The following VAV3 variants were observed in gnomAD, a reference collection of about 807,000 sequenced individuals.
VAV3 encodes the protein guanine nucleotide exchange factor VAV3.
VAV3 carries 94 observed loss-of-function variants against 131.2 expected under a neutral mutation model. That is an observed-to-expected ratio of 0.72 (90% CI 0.61 to 0.85). The LOEUF (loss-of-function observed/expected upper bound fraction) is 0.85, where lower values mean the gene tolerates loss of function less well. Among genes scored for constraint, VAV3 ranks in the 40% least tolerant of loss-of-function variants. The pLI, the probability that VAV3 is intolerant of heterozygous loss-of-function variation, is 0.00. For synonymous variants in VAV3, 349 were observed against 342.0 expected (o/e 1.02, Z -0.22); for missense variants, 939 against 1,002.7 (o/e 0.94, Z 0.86).
At chr1:107,852,919 C>T (rs1365108373) in intron 2 of VAV3, among the ~76,000 whole-genome samples, 3 of 152,042 alleles carry the variant, frequency 2.0e-5, no homozygotes, top group Non-Finnish European at 4.4e-5. Context: ...CATTTCACAC[C>T]ACCTTTATCA....
chr1:107,737,436 A>C (rs1662724401), intron 15 of VAV3, among the ~76,000 whole-genome samples: 1 of 152,236 alleles, frequency 6.6e-6, no homozygotes, highest in African/African-American at 2.4e-5. Flanking sequence ...GAATGGAAGA[A>C]AATTTTTGCA....
At chr1:107,595,646 T>G (rs564813372) in intron 25 of VAV3, among the ~76,000 whole-genome samples, 24 of 152,290 alleles carry the variant, frequency 1.6e-4, no homozygotes, top group African/African-American at 5.5e-4. Context: ...AGTCCAACCA[T>G]AACATGCTTT....
At chr1:107,598,878 CTTAAAT>C in intron 24 of VAV3, among the ~76,000 whole-genome samples, 1 of 151,974 alleles carries the variant, frequency 6.6e-6, no homozygotes, top group East Asian at 1.9e-4. Context: ...AGTCTTATTA[CTTAAAT>C]TGAGTAAAAT....
intron 12 of VAV3, 81 bp downstream of exon 12, chr1:107,755,346 C>A: frequency 9.2e-7 from 1 of 1,086,298 alleles, no homozygotes; most frequent in Non-Finnish European, 1.4e-6. Flanking sequence ...TGAAGGTAAA[C>A]TATGTTTTCT....
At chr1:107,735,879 A>C (rs1286953246) in intron 15 of VAV3, among the ~76,000 whole-genome samples, 1 of 152,344 alleles carries the variant, frequency 6.6e-6, no homozygotes, top group Non-Finnish European at 1.5e-5. Context: ...CCTGATACCA[A>C]AGCCTGGCAG....
chr1:107,863,309 T>TCTGTCTGCA (rs1414429621), intron 2 of VAV3, among the ~76,000 whole-genome samples: 1 of 152,192 alleles, frequency 6.6e-6, no homozygotes, highest in Non-Finnish European at 1.5e-5. Context: ...TGCATCATTT[T>TCTGTCTGCA]TTAACCAGAC....
chr1:107,791,270 C>T (rs1006543396), intron 2 of VAV3, among the ~76,000 whole-genome samples: 8 of 151,994 alleles, frequency 5.3e-5, no homozygotes, highest in Non-Finnish European at 1.2e-4. Context: ...CTTCATTCAA[C>T]AGGCTACGGG....
chr1:107,751,157 T>C lies in VAV3; in HGVS notation c.1219A>G (p.Ile407Val). The part of the protein sequence containing the change: ...LFGRPQGDGE[I>V]RITTLDKHTK... ...TGCTTGTCTAGAGTGGTTATTCGAA[T>C]TTCACCATCTCCCTGAGGTCGTCCA... The change falls in exon 13 of 27, where the codon ATT becomes GTT. Residue 407 changes from isoleucine to valine, a missense_variant. Coordinates refer to ENST00000370056, the MANE Select transcript of VAV3 (RefSeq NM_006113.5). 6.2e-7 allele frequency: 1 copy of C among 1,613,424 alleles called. No homozygotes were observed. The highest frequency in any genetic ancestry group is 8.5e-7 in the Non-Finnish European group (1 of 1,179,800).
intron 15 of VAV3, among the ~76,000 whole-genome samples, chr1:107,742,037 A>G (rs561312567): frequency 2.0e-5 from 3 of 152,332 alleles, no homozygotes; most frequent in African/African-American, 7.2e-5. Flanking sequence ...GGCTTACATA[A>G]AAGAGAAATA....
rs1557822065 is a variant in VAV3 at position 107,753,533 on chromosome 1, T to TATACAC, written c.1173+1893_1173+1894insGTGTAT. On this transcript the variant is annotated intron_variant, in intron 12 of 26. Transcript: ENST00000370056. ...ACACACATATATATATATACGTATA[T>TATACAC]ATATATATATATATATACACACACA... is the stretch of plus-strand genomic sequence containing the variant. Among the ~76,000 whole-genome samples, 182 of 90,682 alleles carry TATACAC rather than the reference T, an allele frequency of 2.0e-3. 6 individuals are homozygous for TATACAC. Among genetic ancestry groups the TATACAC allele is most frequent in the African/African-American group, 7.1e-3 (180 of 25,390 alleles). The allele number at this position is 90,682 out of a possible 152,430, so 59.5% of individuals were successfully genotyped here. A position where few individuals can be genotyped will look rare whatever the true frequency, so the allele number is the denominator to read the frequency against.
rs537736864 is a variant in VAV3 at position 107,887,446 on chromosome 1, A to C, written c.205-12429T>G. Among the ~76,000 whole-genome samples, 6 of 152,360 alleles carry C rather than the reference A, an allele frequency of 3.9e-5. No homozygotes were observed. In the East Asian group the frequency reaches 1.2e-3, roughly 29 times the overall value. On this transcript the variant is annotated intron_variant, in intron 1 of 26. Transcript: ENST00000370056. ...CACAAGAATTATTCTTTGGGATAGA[A>C]ATCTGCCCAACACATAAAATCTGCA...
intron 2 of VAV3, among the ~76,000 whole-genome samples, chr1:107,822,482 G>A (rs568687095): frequency 2.0e-5 from 3 of 151,666 alleles, no homozygotes; most frequent in Non-Finnish European, 4.4e-5. Context: ...GTGAAATCCC[G>A]TCTCTATTAA....
rs376720993 is a variant in VAV3, at chr1:107,705,354, GAAAA to G, written c.1503-297_1503-294del. On this transcript the variant is annotated intron_variant, in intron 15 of 26. Transcript: ENST00000370056. ...ATGGCCACATAGGTCAACCTGCCTG[GAAAA>G]AAAAAAAAAAAAACCCACTGGATAC... is the stretch of plus-strand genomic sequence containing the variant. Among the ~76,000 whole-genome samples, 966 of 129,448 alleles carry G rather than the reference GAAAA, an allele frequency of 7.5e-3. 10 individuals carry two copies. Among genetic ancestry groups the G allele is most frequent in the African/African-American group, 0.024 (866 of 35,736 alleles). The allele number at this position is 129,448 out of a possible 152,430, so 84.9% of individuals were successfully genotyped here.
chr1:107,608,650 T>A (rs1159742970), intron 22 of VAV3, among the ~76,000 whole-genome samples: 1 of 152,002 alleles, frequency 6.6e-6, no homozygotes, highest in African/African-American at 2.4e-5. Context: ...GAAGGCAGAG[T>A]GACTGCCAGA....
At chr1:107,637,545 C>T (rs1488844994) in intron 20 of VAV3, among the ~76,000 whole-genome samples, 1 of 152,118 alleles carries the variant, frequency 6.6e-6, no homozygotes, top group Non-Finnish European at 1.5e-5. Flanking sequence ...ATTGCTTGAA[C>T]CTAGGAGGCA....
At chr1:107,824,397 T>C (rs1667924908) in intron 2 of VAV3, among the ~76,000 whole-genome samples, 1 of 152,180 alleles carries the variant, frequency 6.6e-6, no homozygotes, top group Admixed American at 6.5e-5. Context: ...TTAACACATG[T>C]GTATATTGAT....
At chr1:107,936,405 T>C (rs1349095214) in intron 1 of VAV3, among the ~76,000 whole-genome samples, 1 of 152,118 alleles carries the variant, frequency 6.6e-6, no homozygotes, top group Non-Finnish European at 1.5e-5. Context: ...AGATTCTGGG[T>C]CTGATTTTTA....
At chr1:107,821,252 A>G (rs570448014) in intron 2 of VAV3, among the ~76,000 whole-genome samples, 3 of 152,352 alleles carry the variant, frequency 2.0e-5, no homozygotes, top group South Asian at 4.1e-4. Context: ...GATTTGGCAA[A>G]TAAGTGTTGA....
chr1:107,764,968 A>T, intron 9 of VAV3, 108 bp downstream of exon 9: 2 of 682,130 alleles, frequency 2.9e-6, no homozygotes. Context: ...TTGACATGAA[A>T]TTATATTTAA....
Sources: gnomAD v4.1 joint callset for allele counts (sites outside exome capture counted in the v4.1 genomes callset) on GRCh38, gnomAD v4.1.1 for gene constraint, MANE v1.5 for transcripts, NCBI Gene and HGNC (gene_info 2026-07-23, HGNC 2026-07-21) for gene names.